Variants in CCDC14 observed in about 807,000 individuals in gnomAD.
The protein encoded by CCDC14 is coiled-coil domain containing 14, also known as coiled-coil domain-containing protein 14.
CCDC14 carries 71 observed loss-of-function variants against 81.4 expected under a neutral mutation model. That is an observed-to-expected ratio of 0.87 (90% CI 0.72 to 1.06). The LOEUF is 1.06. CCDC14 is among the 50% of genes least tolerant of loss of function. CCDC14 has a pLI of 0.00. For missense variants in CCDC14, 1,046 were observed against 1,047.3 expected (o/e 1.00, Z 0.02); for synonymous variants, 332 against 364.8 (o/e 0.91, Z 1.03).
intron 10 of CCDC14, among the ~76,000 whole-genome samples, chr3:123,933,227 T>C (rs1400439458): frequency 6.6e-6 from 1 of 152,230 alleles, no homozygotes; most frequent in Non-Finnish European, 1.5e-5. Flanking sequence ...CAAAGGACCA[T>C]ATTATGGTAG....
chr3:123,901,249 A>T (rs187556347), intron 5 of CCDC14, among the ~76,000 whole-genome samples: 250 of 152,156 alleles, frequency 1.6e-3, no homozygotes, highest in African/African-American at 2.2e-3. Context: ...AAAAAAATAA[A>T]AAAAAAAAGA....
At chr3:123,930,863 C>T in intron 12 of CCDC14, 1 of 405,268 alleles carries the variant, frequency 2.5e-6, no homozygotes, top group Non-Finnish European at 4.3e-6. Flanking sequence ...AAGTCTTCAG[C>T]TTCTCATCAG....
At chr3:123,887,053 T>G in the CCDC14 span, among the ~76,000 whole-genome samples, 2 of 152,306 alleles carry the variant, frequency 1.3e-5, 1 homozygote, top group Middle Eastern at 6.8e-3. Context: ...AATCTCAGAA[T>G]AACAATATTA....
rs1400533662 is a variant in CCDC14 at position 123,914,914 on chromosome 3, C to G, written c.2583G>C (p.Met861Ile). The change falls in exon 13 of 13, where the codon ATG becomes ATC. Residue 861 changes from methionine to isoleucine, a missense_variant. Transcript: ENST00000409697. ...CDGSVFTSDLMSDWSISSFST... is the reference protein window; with the variant it reads ...CDGSVFTSDLISDWSISSFST... Reference sequence around the variant, plus strand: ...AAAACGAAGAGATGCTCCAGTCAGACATCAAGTCAGAAGTGAAAACACTAC... The same window carrying G: ...AAAACGAAGAGATGCTCCAGTCAGAGATCAAGTCAGAAGTGAAAACACTAC... 1.9e-6 allele frequency: 3 copies of G among 1,613,916 alleles called. No homozygotes were observed. Among genetic ancestry groups the G allele is most frequent in the African/African-American group, 2.7e-5 (2 of 74,948 alleles).
intron 5 of CCDC14, among the ~76,000 whole-genome samples, chr3:123,952,169 A>T (rs1401887360): frequency 2.0e-5 from 3 of 152,204 alleles, no homozygotes; most frequent in Non-Finnish European, 4.4e-5. Flanking sequence ...TCATGAAAGG[A>T]AAGTATTCAT....
intron 10 of CCDC14, among the ~76,000 whole-genome samples, chr3:123,932,089 A>G (rs762863215): frequency 9.9e-5 from 15 of 152,206 alleles, no homozygotes; most frequent in Non-Finnish European, 1.3e-4. Context: ...GAGCAAATAC[A>G]TGCTCAGCGA....
At chr3:123,956,717 T>C (rs1295177958) in intron 2 of CCDC14, 23 bp downstream of exon 2, 1 of 1,534,750 alleles carries the variant, frequency 6.5e-7, no homozygotes, top group African/African-American at 1.4e-5. Context: ...AATCTGAAGT[T>C]GTAAACGTCT....
downstream of CCDC14, among the ~76,000 whole-genome samples, chr3:123,911,271 A>C (rs552139229): frequency 1.3e-5 from 2 of 152,338 alleles, no homozygotes; most frequent in East Asian, 3.9e-4. Context: ...AGCTTTAAAT[A>C]AAATAGTGCC....
intron 12 of CCDC14, among the ~76,000 whole-genome samples, chr3:123,926,230 A>G (rs1193085287): frequency 2.0e-5 from 3 of 152,148 alleles, no homozygotes; most frequent in Non-Finnish European, 2.9e-5. Flanking sequence ...ATGTATAAAC[A>G]GAATATGACT....
intron 1 of CCDC14, among the ~76,000 whole-genome samples, 185 bp downstream of exon 1, chr3:123,960,959 T>C (rs549248830): frequency 6.6e-6 from 1 of 152,252 alleles, no homozygotes; most frequent in East Asian, 1.9e-4. Context: ...AACAGAAACA[T>C]CTAGAGACCG....
Position 123,946,821 on chromosome 3 carries a change from C to G in CCDC14, c.1183G>C (p.Ala395Pro). Reference protein sequence around the residue: ...IIKYLLGELKALVAEQEDSEI... With the variant: ...IIKYLLGELKPLVAEQEDSEI... Reference sequence around the variant, plus strand: ...CATCTACCTTGTTCTGCTACCAGGGCCTTGAGCTCTCCCAACAAATATTTT... The same window carrying G: ...CATCTACCTTGTTCTGCTACCAGGGGCTTGAGCTCTCCCAACAAATATTTT... The change falls in exon 8 of 13, where the codon GCC becomes CCC. Residue 395 changes from alanine (A) to proline (P), a missense_variant. Ala to Pro is a conservative substitution (Grantham distance 27, BLOSUM62 -1). Coordinates refer to ENST00000409697, the MANE Select transcript of CCDC14 (RefSeq NM_001366335.1). The G allele has an allele frequency of 6.2e-7, 1 of 1,613,548 alleles. No homozygotes were observed. The highest frequency in any genetic ancestry group is 1.1e-5 in the South Asian group (1 of 91,014).
chr3:123,936,565 TC>T (rs2036068124), intron 9 of CCDC14, among the ~76,000 whole-genome samples: 1 of 152,102 alleles, frequency 6.6e-6, no homozygotes, highest in African/African-American at 2.4e-5. Context: ...GAGGCTATCA[TC>T]CTTAGTAAAC....
chr3:123,918,591 G>A (rs1027491973), intron 12 of CCDC14, among the ~76,000 whole-genome samples: 2 of 152,150 alleles, frequency 1.3e-5, no homozygotes, highest in African/African-American at 4.8e-5. Flanking sequence ...CCCTTTCCAA[G>A]CCAGTTAAGT....
At position 123,926,560 on chromosome 3, in the gene CCDC14, ATAT is replaced by A. The variant is rs946750021; in HGVS notation, c.1778+4539_1778+4541del. 7.9e-4 allele frequency among the ~76,000 whole-genome samples: 116 copies of A among 146,926 alleles called. 1 individual carries two copies. The highest frequency in any genetic ancestry group is 2.5e-3 in the African/African-American group (104 of 40,824). ...TTAATTTATATATTTTTAAATATAA[ATAT>A]TATTTAAATTAATATTTAAAATATT... is the stretch of plus-strand genomic sequence containing the variant. On this transcript the variant is annotated intron_variant, in intron 12 of 12. Transcript: ENST00000409697.
In CCDC14 at chr3:123,956,672, T is replaced by C. The variant is rs940526153; in HGVS notation, c.86+68A>G. On this transcript the variant is annotated intron_variant, in intron 2 of 12. Transcript: ENST00000409697. ...ACCTAATTTTCTGGGGTAGACGACA[T>C]GTCATCCAGCCCAAAGACCTGAAAA... The C allele has an allele frequency of 3.9e-6, 5 of 1,283,218 alleles. No individual in the cohort carries two copies. In the Admixed American group the frequency reaches 8.7e-5, roughly 22 times the overall value. The allele number at this position is 1,283,218 out of a possible 1,614,324, so 79.5% of individuals were successfully genotyped here.
the CCDC14 span, among the ~76,000 whole-genome samples, chr3:123,890,870 C>T: frequency 1.4e-3 from 207 of 152,334 alleles, no homozygotes; most frequent in Non-Finnish European, 2.1e-3. Context: ...ACATTTCCCT[C>T]CCACACTGCC....
At chr3:123,891,108 C>T in the CCDC14 span, among the ~76,000 whole-genome samples, 2 of 151,514 alleles carry the variant, frequency 1.3e-5, no homozygotes, top group African/African-American at 4.9e-5. Context: ...CCAGCTGGAA[C>T]AGCTGGGACA....
chr3:123,935,128 G>C (rs1053614082), intron 9 of CCDC14, among the ~76,000 whole-genome samples: 14 of 152,098 alleles, frequency 9.2e-5, no homozygotes, highest in Admixed American at 4.6e-4. Context: ...CAAAGGATAA[G>C]AATGAGCAGT....
chr3:123,940,574 ATTTT>A (rs1022705496), intron 9 of CCDC14, among the ~76,000 whole-genome samples: 7 of 151,880 alleles, frequency 4.6e-5, no homozygotes, highest in Non-Finnish European at 1.0e-4. Flanking sequence ...CACTCTCCTA[ATTTT>A]AATCTTCTGT....
Sources: allele counts gnomAD v4.1 joint callset (sites outside exome capture counted in the v4.1 genomes callset), GRCh38; gene constraint gnomAD v4.1.1; transcripts MANE v1.5; gene names NCBI Gene and HGNC (gene_info 2026-07-23, HGNC 2026-07-21).